The following LARS1 variants were observed in gnomAD, a reference collection of about 807,000 sequenced individuals.
LARS1 encodes leucyl-tRNA synthetase 1.
A neutral mutation model predicts 162.8 loss-of-function variants in LARS1; 100 were observed. That is an observed-to-expected ratio of 0.61 (90% CI 0.52 to 0.73). LARS1 has a LOEUF of 0.73. Ranked by LOEUF, LARS1 falls within the 30% of genes least tolerant of loss-of-function variation. The pLI is 0.00. For synonymous variants in LARS1, 457 were observed against 462.8 expected, an observed-to-expected ratio of 0.99 and a Z score of 0.16; for missense variants, 1,258 against 1,408.9, an observed-to-expected ratio of 0.89 and a Z score of 1.71.
chr5:146,166,523 G>A (rs1754011409), intron 5 of LARS1, among the ~76,000 whole-genome samples: 1 of 151,826 alleles, frequency 6.6e-6, no homozygotes, highest in African/African-American at 2.4e-5. Context: ...CAGCAACATA[G>A]TGAGACTCCA....
intron 5 of LARS1, 92 bp downstream of exon 5, chr5:146,168,036 A>G (rs893089973): frequency 4.4e-5 from 46 of 1,053,520 alleles, no homozygotes; most frequent in Non-Finnish European, 6.0e-5. Context: ...AGTACATTTT[A>G]TGTGTTGGGC....
At chr5:146,126,272 T>C (rs1752037618) in intron 28 of LARS1, among the ~76,000 whole-genome samples, 163 bp downstream of exon 28, 1 of 152,008 alleles carries the variant, frequency 6.6e-6, no homozygotes, top group African/African-American at 2.4e-5. Context: ...ATTCCACAAG[T>C]AAACCCAAAA....
intron 31 of LARS1, 35 bp from the exon 32 acceptor site, chr5:146,114,346 A>G (rs760913424): frequency 1.9e-6 from 3 of 1,547,612 alleles, no homozygotes; most frequent in Non-Finnish European, 2.7e-6. Context: ...TAAGCATTTA[A>G]TTACAGTCAC....
rs1256308470 is a variant in LARS1 at position 146,168,256 on chromosome 5, C to T, written c.304G>A (p.Asp102Asn). ...AGCTCTATTTCTCTTTTCAACTTAT[C>T]AGCACATGCCTACAACGAATATTAG... Reference protein sequence around the residue: ...CTGMPIKACADKLKREIELYG... With the variant: ...CTGMPIKACANKLKREIELYG... The change falls in exon 5 of 32, where the codon GAT becomes AAT. Residue 102 changes from aspartate to asparagine, a missense_variant. Physicochemically the swap from Asp to Asn is conservative, Grantham distance 23 (BLOSUM62 1). Coordinates refer to ENST00000394434, the MANE Select transcript of LARS1 (RefSeq NM_020117.11). The T allele has an allele frequency of 8.1e-6, 13 of 1,607,932 alleles. No individual in the cohort carries two copies. The highest frequency in any genetic ancestry group is 1.1e-5 in the Non-Finnish European group (13 of 1,178,582).
intron 20 of LARS1, 82 bp from the exon 21 acceptor site, chr5:146,140,343 T>C (rs954022418): frequency 4.7e-6 from 5 of 1,059,052 alleles, no homozygotes; most frequent in South Asian, 1.3e-5. Context: ...TAAAAGCTAA[T>C]AGACTCATAA....
At position 146,131,055 on chromosome 5, in the gene LARS1, A is replaced by C; in HGVS notation, c.2451T>G (p.Phe817Leu). The change falls in exon 24 of 32, where the codon TTT becomes TTG. Residue 817 changes from phenylalanine to leucine, a missense_variant. Physicochemically the swap from Phe to Leu is conservative, Grantham distance 22. Coordinates refer to ENST00000394434, the MANE Select transcript of LARS1 (RefSeq NM_020117.11). ...KTDQNYEKMM[F>L]KEALKTGFFE... is the part of the protein sequence containing the mutation. ...AAAACCCTGTTTTCAAAGCTTCTTT[A>C]AACATCATCTTTTCATAGTTTTGAT... 6.3e-7 allele frequency: 1 copy of C among 1,599,032 alleles called. No homozygotes were observed. The highest frequency in any genetic ancestry group is 1.7e-5 in the Admixed American group (1 of 58,544).
rs1468273377 is a variant in LARS1, at chr5:146,157,772, A to C, written c.795T>G (p.Thr265=). The C allele has an allele frequency of 6.2e-7, 1 of 1,614,192 alleles. No homozygotes were observed. The highest frequency in any genetic ancestry group is 1.1e-5 in the South Asian group (1 of 91,084). The stretch of plus-strand genomic sequence containing the variant: ...GCTCAAGCACCTTCAATTTGAGTAA[A>C]GTATATTCCTGAGGTCCAACACCCT... ...TGEGVGPQEY[T]LLKLKVLEPY... Residue 265 remains threonine (T), a synonymous_variant, in exon 9 of 32, where the codon ACT becomes ACG. Coordinates refer to ENST00000394434, the MANE Select transcript of LARS1 (RefSeq NM_020117.11).
At chr5:146,124,349 AAAAT>A (rs1433760079) in intron 28 of LARS1, among the ~76,000 whole-genome samples, 2 of 151,902 alleles carry the variant, frequency 1.3e-5, no homozygotes, top group Non-Finnish European at 2.9e-5. Flanking sequence ...TCAGATTTAT[AAAAT>A]AAATACGGTT....
chr5:146,140,300 C>A (rs533334749), intron 20 of LARS1, 39 bp from the exon 21 acceptor site: 2 of 1,534,356 alleles, frequency 1.3e-6, no homozygotes, highest in East Asian at 4.5e-5. Flanking sequence ...AATAAAAAAA[C>A]AAAGATGATA....
chr5:146,159,589 A>G (rs1753687354), intron 7 of LARS1, 119 bp from the exon 8 acceptor site: 1 of 695,964 alleles, frequency 1.4e-6, no homozygotes, highest in Middle Eastern at 3.0e-4. Context: ...CTGAGTAGAT[A>G]TCTGTGTCTA....
intron 25 of LARS1, among the ~76,000 whole-genome samples, chr5:146,129,777 T>C (rs1752198878): frequency 6.6e-6 from 1 of 152,224 alleles, no homozygotes; most frequent in Non-Finnish European, 1.5e-5. Flanking sequence ...TATATCTTTC[T>C]CAATATTTTC....
intron 19 of LARS1, 100 bp downstream of exon 19, chr5:146,143,312 A>T: frequency 6.9e-7 from 1 of 1,452,952 alleles, no homozygotes; most frequent in Non-Finnish European, 9.2e-7. Context: ...TCATGACAAA[A>T]TTCTGTGAAA....
intron 2 of LARS1, among the ~76,000 whole-genome samples, chr5:146,175,210 C>T (rs1581091734): frequency 6.6e-6 from 1 of 150,644 alleles, no homozygotes; most frequent in East Asian, 2.0e-4. Context: ...CAGAGGCTCG[C>T]TCCATCTGAC....
rs190992644 is a variant in LARS1, at chr5:146,124,214, C to T, written c.2992-128G>A. On this transcript the variant is annotated intron_variant, in intron 28 of 31. Coordinates refer to ENST00000394434, the MANE Select transcript of LARS1 (RefSeq NM_020117.11). Reference sequence around the variant, plus strand: ...CAGATTTCAGGAGTTAAAGGAAAGGCCTTGGACTCATGATTTCCTTTACCT... The same window carrying T: ...CAGATTTCAGGAGTTAAAGGAAAGGTCTTGGACTCATGATTTCCTTTACCT... 4.2e-5 allele frequency: 25 copies of T among 596,852 alleles called. No homozygotes were observed. In the Admixed American group the frequency reaches 5.7e-4, roughly 14 times the overall value. The allele number at this position is 596,852 out of a possible 1,614,324, so 37.0% of individuals were successfully genotyped here. A position where few individuals can be genotyped will look rare whatever the true frequency, so the allele number is the denominator to read the frequency against.
intron 4 of LARS1, among the ~76,000 whole-genome samples, chr5:146,171,596 T>C (rs1275704793): frequency 6.6e-6 from 1 of 152,168 alleles, no homozygotes; most frequent in Admixed American, 6.5e-5. Flanking sequence ...ATGTCATAAG[T>C]GCACAATGGC....
At chr5:146,133,692 C>A (rs201242913) in intron 22 of LARS1, among the ~76,000 whole-genome samples, 2,591 of 111,710 alleles carry the variant, frequency 0.023, no homozygotes, top group Non-Finnish European at 0.026. Flanking sequence ...TATAGGGTTG[C>A]AAAAAAAAAA....
chr5:146,147,036 T>C (rs183255884), intron 15 of LARS1, among the ~76,000 whole-genome samples: 41 of 152,132 alleles, frequency 2.7e-4, no homozygotes, highest in Non-Finnish European at 4.3e-4. Context: ...AGCTAGAGAT[T>C]GGCAGAATCT....
At chr5:146,129,872 C>T in intron 25 of LARS1, 146 bp downstream of exon 25, 2 of 772,588 alleles carry the variant, frequency 2.6e-6, no homozygotes, top group Non-Finnish European at 4.0e-6. Flanking sequence ...CTGGTTTAAC[C>T]CGTCATAATT....
rs1554126882 is a variant in LARS1, at chr5:146,126,554, A to G, written c.2881-9T>C. 2 of 1,581,740 alleles carry G rather than the reference A, an allele frequency of 1.3e-6. No homozygotes were observed. Among genetic ancestry groups the G allele is most frequent in the South Asian group, 2.2e-5 (2 of 90,416 alleles). ...AGTTTTCCGTTATTGGCCTAAGAAA[A>G]GGAAGGAGGGAGAGTAATGTAGAAA... is the stretch of plus-strand genomic sequence containing the variant. On this transcript the variant is annotated splice_polypyrimidine_tract_variant and intron_variant, in intron 27 of 31. Coordinates refer to ENST00000394434, the MANE Select transcript of LARS1 (RefSeq NM_020117.11).
Sources: allele counts gnomAD v4.1 joint callset (sites outside exome capture counted in the v4.1 genomes callset), GRCh38; gene constraint gnomAD v4.1.1; transcripts MANE v1.5; gene names NCBI Gene and HGNC (gene_info 2026-07-23, HGNC 2026-07-21).